The following FLAD1 variants were observed in gnomAD, a reference collection of about 807,000 sequenced individuals.
The protein encoded by FLAD1 is bifunctional FAD diphosphatase/FAD synthase.
Under a neutral mutation model 55.0 loss-of-function variants are expected in FLAD1, and 35 were observed. That is an observed-to-expected ratio of 0.64 (90% CI 0.49 to 0.84). The LOEUF (loss-of-function observed/expected upper bound fraction) is 0.84. Among genes scored for constraint, FLAD1 ranks in the 40% least tolerant of loss-of-function variants. The probability of loss-of-function intolerance (pLI) is 0.00; values close to 1 mark genes in which losing one functional copy is unlikely to be tolerated. For synonymous variants in FLAD1, 267 were observed against 303.0 expected, an observed-to-expected ratio of 0.88 and a Z score of 1.23; for missense variants, 665 against 742.6, an observed-to-expected ratio of 0.90 and a Z score of 1.21.
chr1:154,990,127 T>C (rs1190965680), intron 3 of FLAD1, 32 bp from the exon 4 acceptor site: 1 of 1,562,996 alleles, frequency 6.4e-7, no homozygotes. Context: ...TTGTCCATGC[T>C]CACAAGCCTG....
intron 5 of FLAD1, chr1:154,991,217 A>G (rs965697352): frequency 5.9e-5 from 8 of 136,118 alleles, no homozygotes; most frequent in South Asian, 2.2e-4. Flanking sequence ...AAAAAAAAAA[A>G]AAAAAAAAAT....
chr1:154,990,518 A>G lies in FLAD1; in HGVS notation c.1544A>G (p.Asn515Ser). Residue 515 changes from asparagine to serine, a missense_variant, in exon 5 of 7, where the codon AAC becomes AGC. By Grantham distance (46) the Asn-to-Ser change is conservative. Coordinates refer to ENST00000292180, the MANE Select transcript of FLAD1 (RefSeq NM_025207.5). The stretch of plus-strand genomic sequence containing the variant: ...GGCTGGCCCGCATTCATGCGCATCA[A>G]CCCACTGCTGGTAATGGGGAAGAGG... ...DPGWPAFMRI[N>S]PLLDWTYRDI... 5 of 1,601,324 alleles carry G rather than the reference A, an allele frequency of 3.1e-6. No individual in the cohort carries two copies. The highest frequency in any genetic ancestry group is 2.2e-5 in the East Asian group (1 of 44,690).
rs1451598845 is a variant in FLAD1 at position 154,987,015 on chromosome 1, C to T, written c.373-1090C>T. 5.3e-5 allele frequency among the ~76,000 whole-genome samples: 8 copies of T among 150,382 alleles called. No homozygotes were observed. The East Asian group carries it at 1.6e-3, about 29-fold the overall frequency. ...CAGCCTAATGCCTGATGCTCCCTTA[C>T]TCCAAAACACAGACCCTTTTTTTTT... On this transcript the variant is annotated intron_variant, in intron 1 of 6. Coordinates refer to ENST00000292180, the MANE Select transcript of FLAD1 (RefSeq NM_025207.5).
chr1:154,986,317 C>T (rs975986172), intron 1 of FLAD1, among the ~76,000 whole-genome samples: 6 of 149,546 alleles, frequency 4.0e-5, no homozygotes, highest in Non-Finnish European at 6.0e-5. Context: ...CCCGGGTTCA[C>T]GCCATTCTCC....
At position 154,983,939 on chromosome 1, in the gene FLAD1, TG is replaced by T. The variant is rs760857353; in HGVS notation, c.248del (p.Gly83ValfsTer16). 1 of 1,605,830 alleles carries T rather than the reference TG, an allele frequency of 6.2e-7. No individual in the cohort carries two copies. ...PPCLRPLFGG[L>X]GGYWRALQRG... ...TGCTTGCGACCCCTATTTGGGGGTC[TG>T]GGTGGCTACTGGAGGGCCTTGCAGA... is the stretch of plus-strand genomic sequence containing the variant. On this transcript the variant is annotated frameshift_variant, in exon 1 of 7. Coordinates refer to ENST00000292180, the MANE Select transcript of FLAD1 (RefSeq NM_025207.5). LOFTEE classifies it high-confidence loss of function.
Position 154,988,506 on chromosome 1 carries a change from A to G in FLAD1, c.774A>G (p.Pro258=). The G allele has an allele frequency of 6.2e-7, 1 of 1,614,216 alleles. No homozygotes were observed. Among genetic ancestry groups the G allele is most frequent in the Non-Finnish European group, 8.5e-7 (1 of 1,180,030 alleles). ...VRNVYLFPGI[P]ELLRRVLEGM... is the part of the protein sequence containing the mutation. ...ACGTCTACCTCTTCCCAGGCATTCC[A>G]GAGCTGCTGCGGCGGGTGCTGGAGG... The change falls in exon 2 of 7, where the codon CCA becomes CCG. Residue 258 remains proline (P), a synonymous_variant. Transcript: ENST00000292180.
At chr1:154,990,728 C>T in intron 5 of FLAD1, 200 bp downstream of exon 5, 1 of 519,154 alleles carries the variant, frequency 1.9e-6, no homozygotes, top group Middle Eastern at 5.0e-4. Context: ...AGGCATTGCA[C>T]TTCCTACTGT....
chr1:154,983,787 C>A lies in FLAD1; in HGVS notation c.93C>A (p.Leu31=). The A allele has an allele frequency of 6.2e-7, 1 of 1,614,140 alleles. No individual in the cohort carries two copies. The highest frequency in any genetic ancestry group is 1.3e-5 in the African/African-American group (1 of 75,034). Residue 31 remains leucine (L), a synonymous_variant, in exon 1 of 7, where the codon CTC becomes CTA. Transcript: ENST00000292180. ...RIWLEKTRVF[L]EGSTRTPALP... ...GGTTAGAGAAGACTAGGGTCTTCCTCGAAGGAAGCACGCGCACGCCTGCTC... is the reference window on the plus strand; with the variant it reads ...GGTTAGAGAAGACTAGGGTCTTCCTAGAAGGAAGCACGCGCACGCCTGCTC...
At position 154,983,387 on chromosome 1, in the gene FLAD1, A is replaced by G. The variant is rs924789505; in HGVS notation, c.-308A>G. On this transcript the variant is annotated 5_prime_UTR_variant, in exon 1 of 7. Transcript: ENST00000292180. ...CAAGGGAAAGAGCCGGTGAAGGGGC[A>G]GAACAGGCAGGTGAGAGTCTAAGAG... The G allele has an allele frequency of 6.2e-5, 16 of 259,990 alleles. No individual in the cohort carries two copies. The East Asian group carries it at 1.1e-3, about 18-fold the overall frequency. 16.1% of individuals were successfully genotyped at this position (259,990 alleles called of 1,614,324 possible).
chr1:154,988,942 A>G (rs953625491), intron 2 of FLAD1, 93 bp downstream of exon 2: 2 of 1,574,404 alleles, frequency 1.3e-6, no homozygotes, highest in Admixed American at 1.8e-5. Flanking sequence ...GCTTCCTGCA[A>G]ATCCCTGAGA....
chr1:154,986,123 C>CT, intron 1 of FLAD1, among the ~76,000 whole-genome samples: 1 of 152,172 alleles, frequency 6.6e-6, no homozygotes, highest in Non-Finnish European at 1.5e-5. Flanking sequence ...ACTGCAACCT[C>CT]TGCCTCCTAG....
chr1:154,983,836 C>CT lies in FLAD1; in HGVS notation c.143dup (p.Gln49ProfsTer53), dbSNP rs749079149. ...TCTCCCCCATTGTCTTTTCTGGCTT[C>CT]TCCAGGTTCCCTCGACCCAGGACCC... is the stretch of plus-strand genomic sequence containing the variant. On this transcript the variant is annotated frameshift_variant, in exon 1 of 7. Coordinates refer to ENST00000292180, the MANE Select transcript of FLAD1 (RefSeq NM_025207.5). LOFTEE classifies it high-confidence loss of function. 1 of 1,614,208 alleles carries CT rather than the reference C, an allele frequency of 6.2e-7. No homozygotes were observed. The highest frequency in any genetic ancestry group is 2.2e-5 in the East Asian group (1 of 44,884).
chr1:154,985,271 C>T (rs1399299837), intron 1 of FLAD1, among the ~76,000 whole-genome samples: 4 of 150,036 alleles, frequency 2.7e-5, no homozygotes, highest in Non-Finnish European at 5.9e-5. Flanking sequence ...ACTCTGTTGC[C>T]CAGGCTGGAG....
chr1:154,993,105 C>A lies in FLAD1; in HGVS notation c.*68C>A. 1 of 1,460,488 alleles carries A rather than the reference C, an allele frequency of 6.8e-7. No homozygotes were observed. Among genetic ancestry groups the A allele is most frequent in the Non-Finnish European group, 9.6e-7 (1 of 1,045,724 alleles). The allele number at this position is 1,460,488 out of a possible 1,614,324, so 90.5% of individuals were successfully genotyped here. A position where few individuals can be genotyped will look rare whatever the true frequency, so the allele number is the denominator to read the frequency against. On this transcript the variant is annotated 3_prime_UTR_variant, in exon 7 of 7. Coordinates refer to ENST00000292180, the MANE Select transcript of FLAD1 (RefSeq NM_025207.5). Reference sequence around the variant, plus strand: ...TAACCTGGCAATAAACCGTGCCTCTCACTGTGCCTGTTGCTCTAGCTGTGT... The same window carrying A: ...TAACCTGGCAATAAACCGTGCCTCTAACTGTGCCTGTTGCTCTAGCTGTGT...
intron 1 of FLAD1, among the ~76,000 whole-genome samples, chr1:154,986,069 C>T (rs912749136): frequency 2.0e-5 from 3 of 150,790 alleles, no homozygotes; most frequent in Admixed American, 1.3e-4. Flanking sequence ...CGGAGTTTCG[C>T]TCCTGCTGCT....
intron 6 of FLAD1, 47 bp downstream of exon 6, chr1:154,992,833 C>T: frequency 6.2e-7 from 1 of 1,613,962 alleles, no homozygotes; most frequent in Non-Finnish European, 8.5e-7. Context: ...TTTTAGGGTG[C>T]TGGGATAGGG....
At position 154,988,664 on chromosome 1, in the gene FLAD1, G is replaced by T; in HGVS notation, c.932G>T (p.Gly311Val). ...CACTTTGGACGTAGGCTTGGCCTGGGTTCCTACCCTGACTGGGGCAGCAAC... is the reference window on the plus strand; with the variant it reads ...CACTTTGGACGTAGGCTTGGCCTGGTTTCCTACCCTGACTGGGGCAGCAAC... Reference protein sequence around the residue: ...QAHFGRRLGLGSYPDWGSNYY... With the variant: ...QAHFGRRLGLVSYPDWGSNYY... Residue 311 changes from glycine to valine, a missense_variant, in exon 2 of 7, where the codon GGT (glycine) becomes GTT (valine). By Grantham distance (109) the Gly-to-Val change is moderately radical. Transcript: ENST00000292180. 1 of 1,614,210 alleles carries T rather than the reference G, an allele frequency of 6.2e-7. No individual in the cohort carries two copies. Among genetic ancestry groups the T allele is most frequent in the Non-Finnish European group, 8.5e-7 (1 of 1,180,038 alleles).
rs1437508395 is a variant in FLAD1, at chr1:154,990,195, G to A, written c.1302G>A (p.Leu434=). The change falls in exon 4 of 7, where the codon CTG becomes CTA. Residue 434 remains leucine, a synonymous_variant. Coordinates refer to ENST00000292180, the MANE Select transcript of FLAD1 (RefSeq NM_025207.5). The part of the protein sequence containing the change: ...LPDVPNPLQI[L]YIRSISPFPE... The stretch of plus-strand genomic sequence containing the variant: ...ATGTTCCAAACCCCCTCCAGATCCT[G>A]TATATCCGCAGCATCTCCCCTTTCC... The A allele has an allele frequency of 3.7e-6, 6 of 1,614,104 alleles. No homozygotes were observed. Among genetic ancestry groups the A allele is most frequent in the Non-Finnish European group, 5.1e-6 (6 of 1,180,004 alleles).
At chr1:154,990,650 C>A in intron 5 of FLAD1, 122 bp downstream of exon 5, 3 of 939,776 alleles carry the variant, frequency 3.2e-6, no homozygotes, top group Non-Finnish European at 3.1e-6. Flanking sequence ...CCTCATCATC[C>A]AAGGGAGGCA....
Sources: gnomAD v4.1 joint callset for allele counts (sites outside exome capture counted in the v4.1 genomes callset) on GRCh38, gnomAD v4.1.1 for gene constraint, MANE v1.5 for transcripts, NCBI Gene and HGNC (gene_info 2026-07-23, HGNC 2026-07-21) for gene names.